Variants in DHRS12 observed in about 807,000 individuals in gnomAD.
DHRS12 encodes the protein dehydrogenase/reductase 12.
Under a neutral mutation model 32.1 loss-of-function variants are expected in DHRS12, and 29 were observed. That is an observed-to-expected ratio of 0.90 (90% CI 0.67 to 1.23). The LOEUF is 1.23. Ranked by LOEUF, DHRS12 falls within the 50% of genes most tolerant of loss-of-function variation. DHRS12 has a pLI of 0.00. For synonymous variants in DHRS12, 150 were observed against 135.9 expected (o/e 1.10, Z -0.72); for missense variants, 330 against 337.2 (o/e 0.98, Z 0.17).
In DHRS12 at chr13:51,769,182, G is replaced by T. The variant is rs1953893484; in HGVS notation, c.671C>A (p.Ala224Glu). 1.3e-6 allele frequency: 2 copies of T among 1,554,414 alleles called. No homozygotes were observed. The highest frequency in any genetic ancestry group is 3.9e-5 in the Admixed American group (2 of 51,474). Residue 224 changes from alanine to glutamate, a missense_variant, in exon 8 of 9, where the codon GCA becomes GAA. Physicochemically the swap from Ala to Glu is moderately radical, Grantham distance 107. Transcript: ENST00000444610. ...TTGAAAGAAGCGGCCGCTGGGCTGT[G>T]CGGCTGCGGCAGAGGAGAGGGCCAG... ...LWLALSSAAA[A>E]QPSGRFFQDR...
chr13:51,759,380 T>C, the DHRS12 span, among the ~76,000 whole-genome samples: 1 of 152,238 alleles, frequency 6.6e-6, no homozygotes, highest in Admixed American at 6.5e-5. Context: ...GTCGCTTTCA[T>C]GTTGGCTCAT....
At chr13:51,771,021 T>A (rs1034063469) in intron 7 of DHRS12, 22 of 1,424,848 alleles carry the variant, frequency 1.5e-5, no homozygotes, top group African/African-American at 2.9e-5. Flanking sequence ...CAGCAGTGTG[T>A]GAGAGCCTGA....
chr13:51,799,427 G>A (rs370479849), intron 2 of DHRS12, 107 bp downstream of exon 2: 105 of 1,512,128 alleles, frequency 6.9e-5, no homozygotes, highest in South Asian at 5.4e-4. Context: ...TGGGATCGCC[G>A]TCCAGGACTT....
chr13:51,803,938 G>C (rs1229464015), intron 1 of DHRS12, 116 bp downstream of exon 1: 3 of 1,004,546 alleles, frequency 3.0e-6, no homozygotes, highest in African/African-American at 3.4e-5. Context: ...GACACGCTTA[G>C]TCGGCCCAGC....
At chr13:51,757,628 T>G in the DHRS12 span, among the ~76,000 whole-genome samples, 1 of 151,616 alleles carries the variant, frequency 6.6e-6, no homozygotes, top group Admixed American at 6.6e-5. Context: ...CTGACAAGTC[T>G]TCTTACTTAA....
chr13:51,788,107 A>C (rs921337538), intron 4 of DHRS12, among the ~76,000 whole-genome samples: 1 of 151,302 alleles, frequency 6.6e-6, no homozygotes, highest in African/African-American at 2.4e-5. Context: ...ACCTGGTTTA[A>C]TGCTCTGTGG....
At chr13:51,791,063 T>G (rs1181823271) in intron 3 of DHRS12, 102 bp downstream of exon 3, 15 of 740,804 alleles carry the variant, frequency 2.0e-5, no homozygotes, top group Non-Finnish European at 3.2e-5. Flanking sequence ...CTTACTAAGA[T>G]TCTTCCATAA....
chr13:51,799,481 G>A (rs1044055853), intron 2 of DHRS12, 53 bp downstream of exon 2: 28 of 1,605,316 alleles, frequency 1.7e-5, no homozygotes, highest in East Asian at 6.7e-5. Flanking sequence ...AGTGTGGACC[G>A]GCCGCAGTCT....
At chr13:51,775,751 TGTATTCTACA>T (rs1954305227) in intron 5 of DHRS12, 1 of 10,858 alleles carries the variant, frequency 9.2e-5, no homozygotes, top group Non-Finnish European at 2.2e-4. Flanking sequence ...TTCTCCTACA[TGTATTCTACA>T]GTATTCTCCT....
intron 5 of DHRS12, chr13:51,776,078 AT>A (rs796647284): frequency 5.2e-5 from 4 of 77,482 alleles, no homozygotes; most frequent in Middle Eastern, 7.8e-3. Flanking sequence ...ATTCTCCTAC[AT>A]GTATTCTCCT....
At chr13:51,803,933 G>T in intron 1 of DHRS12, 121 bp downstream of exon 1, 1 of 958,888 alleles carries the variant, frequency 1.0e-6, no homozygotes, top group Non-Finnish European at 1.4e-6. Context: ...TTCTGGACAC[G>T]CTTAGTCGGC....
At chr13:51,780,168 T>G (rs1226542402) in intron 4 of DHRS12, among the ~76,000 whole-genome samples, 6 of 150,694 alleles carry the variant, frequency 4.0e-5, no homozygotes, top group African/African-American at 1.5e-4. Context: ...GAGAGTGAGA[T>G]TCCATCTCAA....
chr13:51,756,601 C>G, the DHRS12 span: 19 of 1,381,988 alleles, frequency 1.4e-5, no homozygotes, highest in Middle Eastern at 2.7e-4. Flanking sequence ...GCAGTAAAAG[C>G]TCTCCTTTGC....
intron 6 of DHRS12, 97 bp downstream of exon 6, chr13:51,773,833 G>C (rs1054861882): frequency 6.8e-5 from 69 of 1,013,634 alleles, no homozygotes; most frequent in Non-Finnish European, 1.0e-4. Flanking sequence ...GAACTACTAA[G>C]GTCCGATTAA....
At chr13:51,756,809 G>T in the DHRS12 span, among the ~76,000 whole-genome samples, 1 of 152,180 alleles carries the variant, frequency 6.6e-6, no homozygotes, top group Non-Finnish European at 1.5e-5. Context: ...TCCCAAGCTG[G>T]TATCTTTACA....
chr13:51,769,481 G>A (rs1294085534), intron 7 of DHRS12, among the ~76,000 whole-genome samples, 188 bp from the exon 8 acceptor site: 3 of 152,122 alleles, frequency 2.0e-5, no homozygotes, highest in African/African-American at 7.2e-5. Context: ...AGCCCCCAAG[G>A]TGTCACCTGA....
At chr13:51,789,714 AC>A (rs556423341) in intron 4 of DHRS12, 358 of 985,330 alleles carry the variant, frequency 3.6e-4, no homozygotes, top group Middle Eastern at 5.2e-4. Context: ...CTTGCACTCA[AC>A]ACTTAAGCTG....
intron 4 of DHRS12, among the ~76,000 whole-genome samples, chr13:51,787,901 TAAA>T (rs1389910595): frequency 1.2e-4 from 16 of 129,436 alleles, no homozygotes; most frequent in African/African-American, 3.4e-4. Context: ...TAAATATATA[TAAA>T]AATATATAAT....
intron 2 of DHRS12, among the ~76,000 whole-genome samples, chr13:51,796,763 C>T (rs990611561): frequency 1.3e-5 from 2 of 152,130 alleles, no homozygotes; most frequent in Non-Finnish European, 1.5e-5. Flanking sequence ...GAACTGCAGC[C>T]CGCAGATCGC....
Sources: allele counts gnomAD v4.1 joint callset (sites outside exome capture counted in the v4.1 genomes callset), GRCh38; gene constraint gnomAD v4.1.1; transcripts MANE v1.5; gene names NCBI Gene and HGNC (gene_info 2026-07-23, HGNC 2026-07-21).